Variants in CHD6 observed in about 807,000 individuals in gnomAD.
The protein encoded by CHD6 is ATP-dependent chromatin remodeler CHD6.
A neutral mutation model predicts 276.9 loss-of-function variants in CHD6; 50 were observed. That is an observed-to-expected ratio of 0.18 (90% CI 0.14 to 0.23). The LOEUF is 0.23. Ranked by LOEUF, CHD6 falls within the 10% of genes least tolerant of loss-of-function variation. CHD6 has a pLI of 1.00. For missense variants in CHD6, 2,564 were observed against 3,365.8 expected, an observed-to-expected ratio of 0.76 and a Z score of 5.89; for synonymous variants, 1,173 against 1,229.3, an observed-to-expected ratio of 0.95 and a Z score of 0.96.
At chr20:41,499,204 A>T (rs2043770886) in intron 6 of CHD6, 91 bp downstream of exon 6, 1 of 942,440 alleles carries the variant, frequency 1.1e-6, no homozygotes, top group Admixed American at 2.6e-5. Context: ...CCAGCCAATA[A>T]TGGTCATTCT....
intron 1 of CHD6, among the ~76,000 whole-genome samples, chr20:41,598,448 A>C (rs2045741201): frequency 6.6e-6 from 1 of 152,188 alleles, no homozygotes; most frequent in Admixed American, 6.5e-5. Flanking sequence ...TCCGCAAACT[A>C]AACAAAAGCG....
intron 2 of CHD6, among the ~76,000 whole-genome samples, chr20:41,538,231 A>G (rs1308355856): frequency 6.6e-6 from 1 of 152,148 alleles, no homozygotes; most frequent in East Asian, 1.9e-4. Flanking sequence ...TGCGCCTGTA[A>G]TCCCAGCTAC....
At chr20:41,507,026 C>T (rs1050361015) in intron 5 of CHD6, among the ~76,000 whole-genome samples, 2 of 152,184 alleles carry the variant, frequency 1.3e-5, no homozygotes, top group Non-Finnish European at 2.9e-5. Flanking sequence ...TGTAGGCAAG[C>T]AGTAAACTTT....
intron 1 of CHD6, among the ~76,000 whole-genome samples, chr20:41,594,336 T>C (rs763325705): frequency 4.6e-5 from 7 of 152,192 alleles, no homozygotes; most frequent in Non-Finnish European, 1.0e-4. Context: ...CCTCAAAATT[T>C]CTTCCCAAAG....
intron 1 of CHD6, among the ~76,000 whole-genome samples, chr20:41,555,621 G>A (rs955493877): frequency 2.6e-5 from 4 of 150,954 alleles, no homozygotes; most frequent in South Asian, 2.1e-4. Context: ...ACGGGGTCGC[G>A]GCCGGGTAGA....
chr20:41,417,939 A>G (rs2047056454), intron 31 of CHD6, among the ~76,000 whole-genome samples: 1 of 152,274 alleles, frequency 6.6e-6, no homozygotes, highest in African/African-American at 2.4e-5. Flanking sequence ...TTTATCATCA[A>G]TGTGTCAACG....
At chr20:41,487,224 C>T (rs939810084) in intron 14 of CHD6, among the ~76,000 whole-genome samples, 1 of 152,178 alleles carries the variant, frequency 6.6e-6, no homozygotes, top group African/African-American at 2.4e-5. Flanking sequence ...ATGTGACTGC[C>T]TTCTTTTCCT....
intron 1 of CHD6, among the ~76,000 whole-genome samples, chr20:41,574,130 A>G (rs1405667682): frequency 1.0e-5 from 1 of 95,262 alleles, no homozygotes; most frequent in Non-Finnish European, 1.9e-5. Context: ...AAAGAGGAAG[A>G]GGGAAGGGAA....
intron 1 of CHD6, among the ~76,000 whole-genome samples, chr20:41,597,846 C>T (rs4810327): frequency 0.35 from 53,659 of 151,836 alleles, 12,279 homozygotes; most frequent in African/African-American, 0.63. Flanking sequence ...TGGAGACTTG[C>T]GAAGTCAAAG....
rs761090789 is a variant in CHD6 at position 41,413,452 on chromosome 20, C to T, written c.7003G>A (p.Ala2335Thr). Residue 2335 changes from alanine to threonine, a missense_variant, in exon 35 of 37, where the codon GCC becomes ACC. Physicochemically the swap from Ala to Thr is moderately conservative, Grantham distance 58. Transcript: ENST00000373233. ...STTHPEGPGP[A>T]TSAPEPATAA... ...GTAGCTGGCTCAGGAGCCGAGGTGG[C>T]AGGCCCTGGCCCCTCAGGGTGTGTG... 1.2e-6 allele frequency: 2 copies of T among 1,610,486 alleles called. No homozygotes were observed. The highest frequency in any genetic ancestry group is 2.2e-5 in the East Asian group (1 of 44,822).
chr20:41,611,866 G>A (rs1487128213), intron 1 of CHD6, among the ~76,000 whole-genome samples: 1 of 152,284 alleles, frequency 6.6e-6, no homozygotes, highest in East Asian at 1.9e-4. Flanking sequence ...TTGAATTCCT[G>A]ACCTCAGGTG....
At position 41,403,985 on chromosome 20, in the gene CHD6, A is replaced by G. The variant is rs2145344897; in HGVS notation, c.*608T>C. ...TGTCTGAAAAACCACCAAGGGGGAA[A>G]TTATATTACTACCGGTAAGGTTTTT... On this transcript the variant is annotated 3_prime_UTR_variant, in exon 37 of 37. Transcript: ENST00000373233. 2.8e-6 allele frequency: 3 copies of G among 1,053,834 alleles called. No homozygotes were observed. Among genetic ancestry groups the G allele is most frequent in the South Asian group, 9.1e-5 (2 of 21,872 alleles). 65.3% of individuals were successfully genotyped at this position (1,053,834 alleles called of 1,614,324 possible).
chr20:41,596,279 T>C (rs2045716905), intron 1 of CHD6, among the ~76,000 whole-genome samples: 1 of 152,048 alleles, frequency 6.6e-6, no homozygotes, highest in African/African-American at 2.4e-5. Flanking sequence ...CGTGGAGGAA[T>C]GGGAATTGGC....
chr20:41,408,560 C>T (rs1306274318), intron 36 of CHD6, among the ~76,000 whole-genome samples: 1 of 152,226 alleles, frequency 6.6e-6, no homozygotes, highest in Non-Finnish European at 1.5e-5. Context: ...CTACACAGCA[C>T]AGTCTCAGTC....
At chr20:41,561,001 A>G (rs1170122849) in intron 1 of CHD6, among the ~76,000 whole-genome samples, 1 of 152,122 alleles carries the variant, frequency 6.6e-6, no homozygotes, top group Non-Finnish European at 1.5e-5. Context: ...GCATTATTTT[A>G]TTGGCTTCTT....
intron 1 of CHD6, among the ~76,000 whole-genome samples, chr20:41,560,123 T>C (rs925712281): frequency 2.0e-5 from 3 of 152,178 alleles, no homozygotes; most frequent in Non-Finnish European, 2.9e-5. Flanking sequence ...CTATTTTCCA[T>C]GTCTCCTACC....
intron 3 of CHD6, among the ~76,000 whole-genome samples, chr20:41,517,470 A>T (rs1285523125): frequency 2.0e-5 from 3 of 152,192 alleles, no homozygotes; most frequent in Non-Finnish European, 4.4e-5. Flanking sequence ...TCCAACCTAA[A>T]GAACTGAAAC....
At position 41,417,265 on chromosome 20, in the gene CHD6, G is replaced by C. The variant is rs755945350; in HGVS notation, c.6212C>G (p.Ala2071Gly). The stretch of plus-strand genomic sequence containing the variant: ...CAGCTGAGCAATAGTGGGAGCTCGA[G>C]CCTCCTGTAGCTCATCCCCAATGTC... ...TGDIGDELQE[A>G]RAPTIAQLLQ... Residue 2071 changes from alanine to glycine, a missense_variant, in exon 32 of 37, where the codon GCT becomes GGT. Around this residue, in one of 7 missense-constraint regions of CHD6, gnomAD observed 1,024 missense variants for 1,047.9 expected, o/e 0.98. Transcript: ENST00000373233. 1.2e-6 allele frequency: 2 copies of C among 1,614,088 alleles called. No homozygotes were observed. The highest frequency in any genetic ancestry group is 2.2e-5 in the East Asian group (1 of 44,880).
At chr20:41,469,258 T>G (rs2042999765) in intron 17 of CHD6, among the ~76,000 whole-genome samples, 1 of 152,168 alleles carries the variant, frequency 6.6e-6, no homozygotes, top group African/African-American at 2.4e-5. Context: ...AATTCTGCCT[T>G]CAGGGACCTT....
Sources: allele counts gnomAD v4.1 joint callset (sites outside exome capture counted in the v4.1 genomes callset), GRCh38; gene constraint gnomAD v4.1.1; regional missense constraint gnomAD v4.1.1; transcripts MANE v1.5; gene names NCBI Gene and HGNC (gene_info 2026-07-23, HGNC 2026-07-21).